MYO7A: variants seen among roughly 807,000 people sequenced by gnomAD.
MYO7A encodes unconventional myosin-VIIa.
Under a neutral mutation model 263.8 loss-of-function variants are expected in MYO7A, and 210 were observed. That is an observed-to-expected ratio of 0.80 (90% CI 0.71 to 0.89). The LOEUF (loss-of-function observed/expected upper bound fraction) is 0.89, where lower values mean the gene tolerates loss of function less well. MYO7A is among the 40% of genes least tolerant of loss of function. The probability of loss-of-function intolerance (pLI) is 0.00; values close to 1 mark genes in which losing one functional copy is unlikely to be tolerated. For missense variants in MYO7A, 2,820 were observed against 2,968.3 expected, an observed-to-expected ratio of 0.95 and a Z score of 1.16; for synonymous variants, 1,239 against 1,197.3, an observed-to-expected ratio of 1.03 and a Z score of -0.72.
chr11:77,181,455 G>T lies in MYO7A; in HGVS notation c.2770G>T (p.Glu924Ter). The T allele has an allele frequency of 6.2e-7, 1 of 1,609,918 alleles. No homozygotes were observed. Among genetic ancestry groups the T allele is most frequent in the African/African-American group, 1.3e-5 (1 of 75,036 alleles). Residue 924 changes from glutamate (E) to a stop codon, truncating the protein, a stop_gained, in exon 23 of 49, where the codon GAG becomes TAG. Transcript: ENST00000409709. LOFTEE classifies it high-confidence loss of function. ...KEKEAARRKK[E>*]LLEQMERARH... is the part of the protein sequence containing the mutation. ...GAAGGAGGCCGCTCGGCGGAAGAAG[G>T]AGCTCCTGGAGCAGATGGAAAGGGC... is the stretch of plus-strand genomic sequence containing the variant.
At chr11:77,144,996 TG>T (rs1951464714) in intron 3 of MYO7A, among the ~76,000 whole-genome samples, 1 of 152,166 alleles carries the variant, frequency 6.6e-6, no homozygotes, top group Admixed American at 6.5e-5. Context: ...GCTACTGCCC[TG>T]GTTACACTTT....
chr11:77,193,094 G>A (rs1956304694), intron 31 of MYO7A, among the ~76,000 whole-genome samples: 1 of 103,490 alleles, frequency 9.7e-6, no homozygotes, highest in Non-Finnish European at 2.2e-5. Context: ...TTGTGATGGT[G>A]GAGGTAGTGA....
rs1957974477 is a variant in MYO7A at position 77,212,996 on chromosome 11, C to G, written c.6399C>G (p.Ile2133Met). 4 of 1,594,396 alleles carry G rather than the reference C, an allele frequency of 2.5e-6. No individual in the cohort carries two copies. In the African/African-American group the frequency reaches 4.0e-5, roughly 16 times the overall value. ...TCCCTGAGATCCTCCTAATTGCCAT[C>G]AACAAGTATGGGGTCAGCCTCATCG... ...PNFPEILLIA[I>M]NKYGVSLIDP... Residue 2133 changes from isoleucine (I) to methionine (M), a missense_variant, in exon 47 of 49, where the codon ATC (isoleucine) becomes ATG (methionine). Transcript: ENST00000409709.
At chr11:77,196,227 CGTGGTG>C (rs1304622936) in intron 32 of MYO7A, among the ~76,000 whole-genome samples, 1 of 152,130 alleles carries the variant, frequency 6.6e-6, no homozygotes, top group Non-Finnish European at 1.5e-5. Context: ...ATTCACCAGG[CGTGGTG>C]GTGGGTGCCT....
At chr11:77,155,522 A>G (rs910168246) in intron 4 of MYO7A, among the ~76,000 whole-genome samples, 1 of 152,236 alleles carries the variant, frequency 6.6e-6, no homozygotes, top group East Asian at 1.9e-4. Context: ...AGTTTGGGAT[A>G]CAGGGCCTGG....
At chr11:77,182,654 C>T (rs545928378) in intron 25 of MYO7A, 54 bp downstream of exon 25, 63 of 1,587,720 alleles carry the variant, frequency 4.0e-5, no homozygotes, top group South Asian at 7.8e-5. Context: ...CAAGGAGGGC[C>T]GCTGGCATCA....
chr11:77,142,537 C>T (rs782391956), intron 2 of MYO7A, 172 bp from the exon 3 acceptor site: 1 of 686,242 alleles, frequency 1.5e-6, no homozygotes, highest in South Asian at 1.5e-5. Flanking sequence ...AAATGCCCAG[C>T]CCAGGGCCTG....
intron 31 of MYO7A, among the ~76,000 whole-genome samples, chr11:77,192,915 G>GGTAGCGATGGTGTTGGTGATGGTGGA (rs1565441983): frequency 3.5e-4 from 2 of 5,784 alleles, no homozygotes; most frequent in African/African-American, 1.3e-3. Flanking sequence ...TGATGGTGGA[G>GGTAGCGATGGTGTTGGTGATGGTGGA]GGTAGTGATG....
Position 77,199,746 on chromosome 11 carries a change from G to A in MYO7A, c.4780G>A (p.Val1594Met). ...SSNAEDIRDL[V>M]VTFLEGLRKR... ...CAATGCTGAGGACATTCGTGACCTG[G>A]TGGTCACCTTCCTAGAGGGGCTCCG... The change falls in exon 35 of 49, where the codon GTG becomes ATG. Residue 1594 changes from valine to methionine, a missense_variant. Val to Met is a conservative substitution (Grantham distance 21). Transcript: ENST00000409709. 6.2e-7 allele frequency: 1 copy of A among 1,613,314 alleles called. No homozygotes were observed. The highest frequency in any genetic ancestry group is 8.5e-7 in the Non-Finnish European group (1 of 1,179,514).
rs372023062 is a variant in MYO7A at position 77,198,488 on chromosome 11, G to A, written c.4442-7G>A. Reference sequence around the variant, plus strand: ...GCCTGCCTCTCAGTGCCTTGGTCTCGTCCCAGGCCCCAGTCTCCCCAAGAA... The same window carrying A: ...GCCTGCCTCTCAGTGCCTTGGTCTCATCCCAGGCCCCAGTCTCCCCAAGAA... On this transcript the variant is annotated splice_polypyrimidine_tract_variant and splice_region_variant and intron_variant, in intron 33 of 48. Coordinates refer to ENST00000409709, the MANE Select transcript of MYO7A (RefSeq NM_000260.4). 2.4e-4 allele frequency: 387 copies of A among 1,613,290 alleles called. 3 individuals are homozygous for A. Among genetic ancestry groups the A allele is most frequent in the South Asian group, 2.2e-3 (196 of 91,072 alleles).
Position 77,139,980 on chromosome 11 carries a change from T to A in MYO7A, c.19-2729T>A, listed in dbSNP as rs546221485. Among the ~76,000 whole-genome samples, 4 of 152,290 alleles carry A rather than the reference T, an allele frequency of 2.6e-5. No individual in the cohort carries two copies. The South Asian group carries it at 8.3e-4, about 32-fold the overall frequency. ...CTCTCCCCTGCCATCTGAAACTGTTTCCTCAAGTCTGGCCTAGAGCAAGAT... is the reference window on the plus strand; with the variant it reads ...CTCTCCCCTGCCATCTGAAACTGTTACCTCAAGTCTGGCCTAGAGCAAGAT... On this transcript the variant is annotated intron_variant, in intron 2 of 48. Transcript: ENST00000409709.
chr11:77,165,229 G>A (rs1430233708), intron 14 of MYO7A, among the ~76,000 whole-genome samples: 1 of 152,206 alleles, frequency 6.6e-6, no homozygotes, highest in Non-Finnish European at 1.5e-5. Flanking sequence ...TCTCTGTGCT[G>A]TCCGCCATTC....
intron 39 of MYO7A, among the ~76,000 whole-genome samples, chr11:77,204,481 C>T (rs560196544): frequency 2.0e-5 from 3 of 152,330 alleles, no homozygotes; most frequent in Admixed American, 1.3e-4. Flanking sequence ...CTCCTCCTAA[C>T]GTTTGGCTGG....
At chr11:77,208,629 C>A in intron 43 of MYO7A, 68 bp from the exon 44 acceptor site, 1 of 1,500,850 alleles carries the variant, frequency 6.7e-7, no homozygotes, top group South Asian at 1.2e-5. Context: ...TCCTCTGGGT[C>A]TGGGCTCGGG....
rs1957844448 is a variant in MYO7A at position 77,211,227 on chromosome 11, A to C, written c.6127A>C (p.Arg2043=). Residue 2043 remains arginine (R), a synonymous_variant, in exon 45 of 49, where the codon AGG becomes CGG. Transcript: ENST00000409709. The stretch of plus-strand genomic sequence containing the variant: ...GCTGCAGCTGGGGGCGCTGATCTAC[A>C]GGGTCAAGTTCGAGGAGGACAAGTC... ...EVLQLGALIY[R]VKFEEDKSYF... 1 of 1,590,254 alleles carries C rather than the reference A, an allele frequency of 6.3e-7. No individual in the cohort carries two copies. The highest frequency in any genetic ancestry group is 1.3e-5 in the African/African-American group (1 of 74,492).
At chr11:77,136,272 A>T (rs782420953) in intron 2 of MYO7A, among the ~76,000 whole-genome samples, 3 of 152,110 alleles carry the variant, frequency 2.0e-5, no homozygotes, top group Non-Finnish European at 2.9e-5. Flanking sequence ...ACTCATACTA[A>T]CGATTCGTTG....
At chr11:77,140,591 G>T (rs1008434214) in intron 2 of MYO7A, among the ~76,000 whole-genome samples, 4 of 152,328 alleles carry the variant, frequency 2.6e-5, no homozygotes, top group African/African-American at 7.2e-5. Flanking sequence ...ACAGATGAGG[G>T]ACTCAGACCC....
At chr11:77,130,780 A>C in intron 2 of MYO7A, 128 bp downstream of exon 2, 1 of 1,072,652 alleles carries the variant, frequency 9.3e-7, no homozygotes, top group East Asian at 2.6e-5. Flanking sequence ...TTCCAAACCC[A>C]GCCCTCCAGG....
intron 15 of MYO7A, among the ~76,000 whole-genome samples, chr11:77,168,693 G>A (rs1305122986): frequency 2.0e-5 from 3 of 152,188 alleles, no homozygotes; most frequent in Non-Finnish European, 4.4e-5. Flanking sequence ...TACTTGGAGT[G>A]GGGGCTGAGA....
Sources: allele counts gnomAD v4.1 joint callset (sites outside exome capture counted in the v4.1 genomes callset), GRCh38; gene constraint gnomAD v4.1.1; transcripts MANE v1.5; gene names NCBI Gene and HGNC (gene_info 2026-07-23, HGNC 2026-07-21).